Variants in SUMF1 observed in about 807,000 individuals in gnomAD.
The protein encoded by SUMF1 is sulfatase modifying factor 1, also known as formylglycine-generating enzyme.
SUMF1 carries 48 observed loss-of-function variants against 47.6 expected under a neutral mutation model. The observed-to-expected ratio is 1.01, with a 90% CI of 0.80 to 1.28. The LOEUF is 1.28. SUMF1 is among the 50% of genes most tolerant of loss of function. SUMF1 has a pLI of 0.00. For missense variants in SUMF1, 571 were observed against 485.4 expected (o/e 1.18, Z -1.66); for synonymous variants, 230 against 192.1 (o/e 1.20, Z -1.63).
chr3:4,061,796 G>A, intron 9 of SUMF1, among the ~76,000 whole-genome samples: 1 of 152,138 alleles, frequency 6.6e-6, no homozygotes, highest in East Asian at 1.9e-4. Context: ...ATTGGTACAA[G>A]AGTAGGTTAC....
intron 9 of SUMF1, among the ~76,000 whole-genome samples, chr3:4,051,144 T>TA (rs1695104437): frequency 6.9e-6 from 1 of 144,890 alleles, no homozygotes; most frequent in Non-Finnish European, 1.5e-5. Context: ...AAAAAAAGGG[T>TA]GGGGAAAGGA....
At chr3:4,134,894 C>A (rs1030388713) in intron 8 of SUMF1, among the ~76,000 whole-genome samples, 2 of 152,158 alleles carry the variant, frequency 1.3e-5, no homozygotes, top group Non-Finnish European at 2.9e-5. Flanking sequence ...AATTCTTCAA[C>A]ACATACACTT....
chr3:4,418,048 A>G lies in SUMF1; in HGVS notation c.687T>C (p.Ala229=), dbSNP rs2125035229. ...CTCCTCGACAGCTGTATTCCCACTC[A>G]GCTTCCGTGGGCAGCCGCTTCCCTG... The part of the protein sequence containing the change: ...TWAGKRLPTE[A]EWEYSCRGGL... Residue 229 remains alanine, a synonymous_variant, in exon 5 of 9, where the codon GCT becomes GCC. Transcript: ENST00000272902. 6.2e-7 allele frequency: 1 copy of G among 1,614,068 alleles called. No individual in the cohort carries two copies. The highest frequency in any genetic ancestry group is 8.5e-7 in the Non-Finnish European group (1 of 1,180,024).
intron 8 of SUMF1, among the ~76,000 whole-genome samples, chr3:4,268,925 C>T (rs1194638565): frequency 6.6e-6 from 1 of 151,912 alleles, no homozygotes; most frequent in Non-Finnish European, 1.5e-5. Flanking sequence ...TATGCTTTCA[C>T]TTAAGTTGCA....
chr3:4,138,365 C>A (rs1177857230), intron 8 of SUMF1, among the ~76,000 whole-genome samples: 2 of 152,112 alleles, frequency 1.3e-5, no homozygotes, highest in African/African-American at 4.8e-5. Flanking sequence ...ATAGGAATAT[C>A]TTTGTTTGCC....
At chr3:4,245,496 T>G (rs1017533453) in intron 8 of SUMF1, among the ~76,000 whole-genome samples, 6 of 152,164 alleles carry the variant, frequency 3.9e-5, no homozygotes, top group African/African-American at 1.4e-4. Context: ...GACAGGCCCC[T>G]CAGCTGCAGG....
chr3:4,059,848 A>T (rs1478287056), intron 9 of SUMF1, among the ~76,000 whole-genome samples: 1 of 151,786 alleles, frequency 6.6e-6, no homozygotes, highest in Non-Finnish European at 1.5e-5. Flanking sequence ...ATCAGAGGTG[A>T]CCAGGGCAAG....
chr3:4,038,099 C>T lies in SUMF1; in HGVS notation c.1191+30470G>A, dbSNP rs563123862. Among the ~76,000 whole-genome samples the T allele has an allele frequency of 2.0e-5, 3 of 152,228 alleles. No homozygotes were observed. In the East Asian group the frequency reaches 5.8e-4, roughly 29 times the overall value. On this transcript the variant is annotated intron_variant and NMD_transcript_variant, in intron 9 of 12. Transcript: ENST00000448413. ...TAGATCGTGGCTTGACATTCCTGGG[C>T]TGCCCACCACCGCTGCAGGGTGATC...
At chr3:4,311,871 TCTG>T (rs1698418975) in intron 8 of SUMF1, among the ~76,000 whole-genome samples, 2 of 152,198 alleles carry the variant, frequency 1.3e-5, no homozygotes, top group African/African-American at 2.4e-5. Context: ...CATAAAAAAA[TCTG>T]CTGGGTTCAT....
chr3:4,415,694 T>C lies in SUMF1; in HGVS notation c.840+1434A>G, dbSNP rs570164337. On this transcript the variant is annotated intron_variant, in intron 6 of 8. Coordinates refer to ENST00000272902, the MANE Select transcript of SUMF1 (RefSeq NM_182760.4). Reference sequence around the variant, plus strand: ...CAGGTGTGGTGGTGTGCACCTGTAGTCCCAGCTACTCGGGAGGTTGAAATG... The same window carrying C: ...CAGGTGTGGTGGTGTGCACCTGTAGCCCCAGCTACTCGGGAGGTTGAAATG... Among the ~76,000 whole-genome samples the C allele has an allele frequency of 6.6e-5, 10 of 152,194 alleles. No homozygotes were observed. The South Asian group carries it at 2.1e-3, about 32-fold the overall frequency.
intron 8 of SUMF1, among the ~76,000 whole-genome samples, chr3:4,216,013 C>T (rs1473176164): frequency 2.0e-5 from 3 of 152,188 alleles, no homozygotes; most frequent in Non-Finnish European, 4.4e-5. Flanking sequence ...CTACCACTGA[C>T]TTTCTTCACA....
chr3:4,441,723 ACT>A lies in SUMF1; in HGVS notation c.519+7541_519+7542del, dbSNP rs371615340. On this transcript the variant is annotated intron_variant, in intron 3 of 8. Transcript: ENST00000272902. ...TCATGATTATTACTTCGATAATAAT[ACT>A]CTGTTTTAAACCATTAAATTCACCA... Among the ~76,000 whole-genome samples the A allele has an allele frequency of 1.1e-3, 160 of 152,324 alleles. 1 individual carries two copies. The highest frequency in any genetic ancestry group is 3.7e-3 in the African/African-American group (155 of 41,572).
At chr3:4,303,349 G>A (rs172705) in intron 8 of SUMF1, 156,210 of 1,530,894 alleles carry the variant, frequency 0.1, 17,152 homozygotes, top group African/African-American at 0.5. Context: ...TCAGGGTAGT[G>A]GGCGTTGCGT....
chr3:4,409,142 C>T (rs2125004309), intron 7 of SUMF1, among the ~76,000 whole-genome samples: 1 of 152,098 alleles, frequency 6.6e-6, no homozygotes, highest in Middle Eastern at 3.4e-3. Flanking sequence ...GGCAGGGAGC[C>T]CTCTGGGAGG....
intron 8 of SUMF1, among the ~76,000 whole-genome samples, chr3:4,349,742 AC>A (rs1699447414): frequency 6.6e-6 from 1 of 152,164 alleles, no homozygotes; most frequent in Non-Finnish European, 1.5e-5. Flanking sequence ...GAACAGAAAA[AC>A]AAACACCACA....
intron 3 of SUMF1, among the ~76,000 whole-genome samples, chr3:4,443,362 A>G (rs950291173): frequency 2.6e-5 from 4 of 152,234 alleles, no homozygotes; most frequent in African/African-American, 9.6e-5. Flanking sequence ...CCACAAACTC[A>G]GATGAGGTAG....
At chr3:4,446,723 A>C (rs1343257449) in intron 3 of SUMF1, among the ~76,000 whole-genome samples, 2 of 152,226 alleles carry the variant, frequency 1.3e-5, no homozygotes, top group Non-Finnish European at 2.9e-5. Context: ...TACAGAGGAC[A>C]GAGAGAACAG....
rs1238141061 is a variant in SUMF1 at position 4,156,474 on chromosome 3, A to T, written c.1015-87729T>A. Among the ~76,000 whole-genome samples the T allele has an allele frequency of 2.0e-5, 3 of 151,626 alleles. 1 individual carries two copies. The highest frequency in any genetic ancestry group is 7.3e-5 in the African/African-American group (3 of 40,912). On this transcript the variant is annotated intron_variant and NMD_transcript_variant, in intron 8 of 12. Transcript: ENST00000448413. Reference sequence around the variant, plus strand: ...ATCTTCAATGTATAAAACAGTATCCAATACAGTTCTTCCTACACAACTGGA... The same window carrying T: ...ATCTTCAATGTATAAAACAGTATCCTATACAGTTCTTCCTACACAACTGGA...
intron 8 of SUMF1, among the ~76,000 whole-genome samples, chr3:4,161,348 G>A (rs1343606789): frequency 6.6e-6 from 1 of 152,114 alleles, no homozygotes; most frequent in African/African-American, 2.4e-5. Flanking sequence ...ACAATCAGCA[G>A]GTGGGAAAGC....
Sources: gnomAD v4.1 joint callset for allele counts (sites outside exome capture counted in the v4.1 genomes callset) on GRCh38, gnomAD v4.1.1 for gene constraint, MANE v1.5 for transcripts, NCBI Gene and HGNC (gene_info 2026-07-23, HGNC 2026-07-21) for gene names.